The following C4orf50 variants were observed in gnomAD, a reference collection of about 807,000 sequenced individuals.
The protein encoded by C4orf50 is chromosome 4 open reading frame 50.
C4orf50 carries 80 observed loss-of-function variants against 77.2 expected under a neutral mutation model. That is an observed-to-expected ratio of 1.04 (90% CI 0.87 to 1.25). The LOEUF (loss-of-function observed/expected upper bound fraction) is 1.25, where lower values mean the gene tolerates loss of function less well. Among genes scored for constraint, C4orf50 ranks in the 50% most tolerant of loss-of-function variants. The probability of loss-of-function intolerance (pLI) is 0.00; values close to 1 mark genes in which losing one functional copy is unlikely to be tolerated. For synonymous variants in C4orf50, 532 were observed against 465.3 expected (o/e 1.14, Z -1.84); for missense variants, 1,257 against 1,152.9 (o/e 1.09, Z -1.31).
chr4:5,955,879 G>A (rs1718936542), downstream of C4orf50, among the ~76,000 whole-genome samples: 1 of 152,194 alleles, frequency 6.6e-6, no homozygotes, highest in Non-Finnish European at 1.5e-5. The surrounding 1 kb of genome is among the most constrained non-coding windows in gnomAD (Gnocchi z 5.1). Context: ...ATCACAGGCG[G>A]GTGCTGGCAG....
At chr4:6,003,032 G>C (rs1721903198) in intron 25 of C4orf50, among the ~76,000 whole-genome samples, 1 of 152,154 alleles carries the variant, frequency 6.6e-6, no homozygotes. Context: ...GCCAGACAGG[G>C]GGCTTCACCC....
In C4orf50 at chr4:6,007,287, C is replaced by T. The variant is rs1051417464; in HGVS notation, c.963+709G>A. 6.6e-6 allele frequency among the ~76,000 whole-genome samples: 1 copy of T among 152,098 alleles called. No homozygotes were observed. Among genetic ancestry groups the T allele is most frequent in the Non-Finnish European group, 1.5e-5 (1 of 68,020 alleles). ...CCAAATTTATGTGGAAATCCTAATC[C>T]TCAATGTGAGGGTGTCAGGTGGTGG... On this transcript the variant is annotated intron_variant, in intron 25 of 33. Transcript: ENST00000531445. The surrounding 1 kb of genome is among the most constrained non-coding windows in gnomAD (Gnocchi z 4.1).
chr4:6,015,082 G>A lies in C4orf50; in HGVS notation c.287+3063C>T, dbSNP rs993331750. On this transcript the variant is annotated intron_variant, in intron 23 of 33. Coordinates refer to ENST00000531445, the Ensembl canonical transcript of C4orf50. The surrounding 1 kb of genome is among the most constrained non-coding windows in gnomAD (Gnocchi z 4.4). ...AATGTACAACCCTGTATGGGCCTAC[G>A]CTGCTAGTCTCTCAGCCCAGGGCCC... Among the ~76,000 whole-genome samples the A allele has an allele frequency of 2.6e-5, 4 of 152,114 alleles. No homozygotes were observed. The highest frequency in any genetic ancestry group is 1.3e-4 in the Admixed American group (2 of 15,270).
At chr4:5,973,683 G>T in exon 31 of C4orf50, 6 of 1,613,372 alleles carry the variant, frequency 3.7e-6, no homozygotes, top group Non-Finnish European at 4.2e-6. Context: ...GAGCCAGGAA[G>T]GTGGCCGTGT....
intron 7 of C4orf50, among the ~76,000 whole-genome samples, chr4:5,927,538 G>A (rs577338433): frequency 6.6e-6 from 1 of 151,848 alleles, no homozygotes; most frequent in South Asian, 2.1e-4. Flanking sequence ...TAGATCATGG[G>A]GGAGGTTCCC....
chr4:6,009,512 G>A lies in C4orf50; in HGVS notation c.427-980C>T, dbSNP rs1473072749. ...AAGTCAGGGTCAGATTCCCTGGGAG[G>A]ACAATTCTCCTGGTCTTCCTGAAGG... On this transcript the variant is annotated intron_variant, in intron 24 of 33. Transcript: ENST00000531445. This position sits in a 1 kb window ranked among gnomAD's most constrained non-coding sequence, Gnocchi z 5.6. 6.6e-6 allele frequency among the ~76,000 whole-genome samples: 1 copy of A among 152,208 alleles called. No individual in the cohort carries two copies. Among genetic ancestry groups the A allele is most frequent in the Non-Finnish European group, 1.5e-5 (1 of 68,042 alleles).
chr4:5,986,149 A>G (rs534602347), intron 28 of C4orf50, among the ~76,000 whole-genome samples: 1 of 152,366 alleles, frequency 6.6e-6, no homozygotes, highest in South Asian at 2.1e-4. Flanking sequence ...TGTTAGGACA[A>G]TTAACCAGCT....
chr4:5,944,487 G>A (rs978150752), intron 7 of C4orf50, among the ~76,000 whole-genome samples: 1 of 152,198 alleles, frequency 6.6e-6, no homozygotes, highest in South Asian at 2.1e-4. Context: ...GAGTGAGCGA[G>A]GGGGCAGCCC....
intron 7 of C4orf50, among the ~76,000 whole-genome samples, chr4:5,949,552 G>C (rs763473188): frequency 6.6e-6 from 1 of 152,236 alleles, no homozygotes; most frequent in Non-Finnish European, 1.5e-5. Context: ...AGATGAGAAT[G>C]AAGAGTTACT....
intron 25 of C4orf50, among the ~76,000 whole-genome samples, chr4:5,995,282 C>T (rs1210115541): frequency 2.0e-5 from 3 of 152,106 alleles, no homozygotes; most frequent in African/African-American, 7.2e-5. Context: ...GGTGTCTGCC[C>T]AGGGGGTTTG....
At chr4:5,950,168 C>T (rs375167703) in intron 7 of C4orf50, among the ~76,000 whole-genome samples, 28 of 152,032 alleles carry the variant, frequency 1.8e-4, no homozygotes, top group Admixed American at 9.2e-4. Context: ...AATCACAGTG[C>T]GAAGACCTTA....
At chr4:5,976,664 C>T (rs976642582) in intron 29 of C4orf50, among the ~76,000 whole-genome samples, 3 of 152,180 alleles carry the variant, frequency 2.0e-5, no homozygotes, top group African/African-American at 7.2e-5. Context: ...ACACTCTCTG[C>T]CTCAGTCTTC....
intron 28 of C4orf50, among the ~76,000 whole-genome samples, chr4:5,984,451 A>AT (rs1192882138): frequency 1.3e-5 from 2 of 152,330 alleles, no homozygotes; most frequent in East Asian, 1.9e-4. Flanking sequence ...TGATCTATGT[A>AT]TTTTTTAAAA....
intron 31 of C4orf50, among the ~76,000 whole-genome samples, chr4:5,969,231 C>CT (rs1416968121): frequency 6.6e-6 from 1 of 152,118 alleles, no homozygotes; most frequent in East Asian, 1.9e-4. Context: ...GGGGAATATT[C>CT]TAAGTTTCAT....
chr4:5,914,060 G>T (rs1716924171), intron 7 of C4orf50, among the ~76,000 whole-genome samples: 2 of 151,938 alleles, frequency 1.3e-5, no homozygotes, highest in African/African-American at 4.8e-5. Context: ...ATGATAGCAT[G>T]AAAAAATGCC....
rs925189905 is a variant in C4orf50 at position 6,018,417 on chromosome 4, G to A, written c.15C>T (p.Ala5=). The change falls in exon 23 of 34, where the codon GCC becomes GCT. Residue 5 remains alanine (A), a synonymous_variant. Coordinates refer to ENST00000531445, the Ensembl canonical transcript of C4orf50. This position sits in a 1 kb window ranked among gnomAD's most constrained non-coding sequence, Gnocchi z 5.1. Reference sequence around the variant, plus strand: ...TGAAACTCTCCTCAGTCCGTCCCTTGGCTGTTGGCTCCATCTCAGAAATAT... The same window carrying A: ...TGAAACTCTCCTCAGTCCGTCCCTTAGCTGTTGGCTCCATCTCAGAAATAT... The A allele has an allele frequency of 5.0e-6, 2 of 398,888 alleles. No individual in the cohort carries two copies. Among genetic ancestry groups the A allele is most frequent in the East Asian group, 3.6e-5 (1 of 28,088 alleles). The allele number at this position is 398,888 out of a possible 1,614,324, so 24.7% of individuals were successfully genotyped here.
intron 7 of C4orf50, among the ~76,000 whole-genome samples, chr4:5,935,784 T>TAAAAAAAAAAA (rs769910855): frequency 0.014 from 446 of 31,480 alleles, 49 homozygotes; most frequent in Non-Finnish European, 0.024. Flanking sequence ...AGACTCCGTC[T>TAAAAAAAAAAA]AAAAAAAAAA....
chr4:5,969,151 G>A (rs536708569), intron 31 of C4orf50, among the ~76,000 whole-genome samples: 1 of 152,226 alleles, frequency 6.6e-6, no homozygotes, highest in African/African-American at 2.4e-5. Flanking sequence ...CAGTGATACC[G>A]AGTAGGGGAC....
chr4:5,955,801 AC>A (rs1350499219), downstream of C4orf50, among the ~76,000 whole-genome samples: 7 of 151,708 alleles, frequency 4.6e-5, no homozygotes, highest in East Asian at 1.4e-3. The surrounding 1 kb of genome is among the most constrained non-coding windows in gnomAD (Gnocchi z 5.1). Flanking sequence ...GCTAACTCCC[AC>A]CTCCCCCACT....
Sources: gnomAD v4.1 joint callset for allele counts (sites outside exome capture counted in the v4.1 genomes callset) on GRCh38, gnomAD v4.1.1 for gene constraint, Gnocchi (gnomAD v3.1) non-coding constraint, MANE v1.5 for transcripts, NCBI Gene and HGNC (gene_info 2026-07-23, HGNC 2026-07-21) for gene names.